TIPRL: variants seen among roughly 807,000 people sequenced by gnomAD.
The protein encoded by TIPRL is TIP41-like protein.
TIPRL carries 10 observed loss-of-function variants against 32.3 expected under a neutral mutation model. The observed-to-expected ratio is 0.31, with a 90% CI of 0.19 to 0.52. TIPRL has a LOEUF of 0.52. Among genes scored for constraint, TIPRL ranks in the 20% least tolerant of loss-of-function variants. The pLI is 0.96. For missense variants in TIPRL, 250 were observed against 328.1 expected, an observed-to-expected ratio of 0.76 and a Z score of 1.84; for synonymous variants, 100 against 114.0, an observed-to-expected ratio of 0.88 and a Z score of 0.78.
chr1:168,183,596 C>T (rs1699993251), intron 1 of TIPRL, among the ~76,000 whole-genome samples: 1 of 151,872 alleles, frequency 6.6e-6, no homozygotes, highest in Non-Finnish European at 1.5e-5. Flanking sequence ...GCTATCTTTT[C>T]TTCATACCCT....
At position 168,183,992 on chromosome 1, in the gene TIPRL, T is replaced by A. The variant is rs1465418307; in HGVS notation, c.195T>A (p.Ile65=). ...TCCAGCATGGGTCTGGCTTTGGAAT[T>A]GAGTTCAATGCTACAGATGCGTTAA... The part of the protein sequence containing the change: ...LRIQHGSGFG[I]EFNATDALRC... Residue 65 remains isoleucine (I), a synonymous_variant, in exon 2 of 7, where the codon ATT becomes ATA. Coordinates refer to ENST00000367833, the MANE Select transcript of TIPRL (RefSeq NM_152902.5). 2 of 1,614,176 alleles carry A rather than the reference T, an allele frequency of 1.2e-6. No individual in the cohort carries two copies. Among genetic ancestry groups the A allele is most frequent in the South Asian group, 2.2e-5 (2 of 91,088 alleles).
At chr1:168,188,481 A>G (rs549937703) in intron 3 of TIPRL, among the ~76,000 whole-genome samples, 1 of 152,366 alleles carries the variant, frequency 6.6e-6, no homozygotes, top group South Asian at 2.1e-4. Context: ...ATGCTTTAAT[A>G]AAACTTTATG....
At chr1:168,183,768 A>T in intron 1 of TIPRL, 134 bp from the exon 2 acceptor site, 1 of 912,598 alleles carries the variant, frequency 1.1e-6, no homozygotes, top group Non-Finnish European at 1.6e-6. Context: ...AGACCTTGCA[A>T]ATATATCATA....
chr1:168,192,406 A>G, intron 4 of TIPRL: 1 of 1,011,102 alleles, frequency 9.9e-7, no homozygotes, highest in East Asian at 7.2e-5. Context: ...CATAACAAGT[A>G]TGGTTATTCA....
chr1:168,180,482 T>C (rs1341400275), intron 1 of TIPRL, among the ~76,000 whole-genome samples: 2 of 152,170 alleles, frequency 1.3e-5, no homozygotes, highest in African/African-American at 4.8e-5. Flanking sequence ...GGGTTTAAGT[T>C]TGGGAATTAT....
chr1:168,196,014 A>C (rs1379074177), intron 4 of TIPRL, among the ~76,000 whole-genome samples: 1 of 152,214 alleles, frequency 6.6e-6, no homozygotes, highest in Non-Finnish European at 1.5e-5. Flanking sequence ...GAATTTGTAG[A>C]TGTGCCACAG....
Position 168,192,879 on chromosome 1 carries a change from C to T in TIPRL, c.516+1379C>T, listed in dbSNP as rs529633489. Among the ~76,000 whole-genome samples the T allele has an allele frequency of 2.6e-3, 377 of 142,960 alleles. 1 individual carries two copies. The highest frequency in any genetic ancestry group is 9.9e-3 in the African/African-American group (365 of 36,798). 93.8% of individuals were successfully genotyped at this position (142,960 alleles called of 152,430 possible). On this transcript the variant is annotated intron_variant, in intron 4 of 6. Transcript: ENST00000367833. Reference sequence around the variant, plus strand: ...CCAGCCTGGGCAACAAGCGAGACTCCGTCTCAAAACAAACAAACAAACAAA... The same window carrying T: ...CCAGCCTGGGCAACAAGCGAGACTCTGTCTCAAAACAAACAAACAAACAAA...
chr1:168,194,807 G>A lies in TIPRL; in HGVS notation c.517-1740G>A, dbSNP rs1248832489. Among the ~76,000 whole-genome samples the A allele has an allele frequency of 3.3e-5, 5 of 152,164 alleles. No homozygotes were observed. In the East Asian group the frequency reaches 9.6e-4, roughly 29 times the overall value. On this transcript the variant is annotated intron_variant, in intron 4 of 6. Coordinates refer to ENST00000367833, the MANE Select transcript of TIPRL (RefSeq NM_152902.5). ...AAAATGGTTAATGAGCACCTGCTGT[G>A]TGCTAGGTACTTTTCTAAGCAATAG...
rs71981720 is a variant in TIPRL at position 168,201,770 on chromosome 1, CGTGTGTGTGTGTGTGT to C, written c.*1745_*1760del. 1 of 142,970 alleles carries C rather than the reference CGTGTGTGTGTGTGTGT, an allele frequency of 7.0e-6. No individual in the cohort carries two copies. Among genetic ancestry groups the C allele is most frequent in the Non-Finnish European group, 1.5e-5 (1 of 65,048 alleles). The allele number at this position is 142,970 out of a possible 1,614,324, so 8.9% of individuals were successfully genotyped here. Reference sequence around the variant, plus strand: ...ATTAATTGGAGCTTCTGGGCAACATCGTGTGTGTGTGTGTGTGTGTGTGTGTGTGTGTGTGTATACA... The same window carrying C: ...ATTAATTGGAGCTTCTGGGCAACATCGTGTGTGTGTGTGTGTGTGTATACA... On this transcript the variant is annotated 3_prime_UTR_variant, in exon 7 of 7. Transcript: ENST00000367833.
intron 5 of TIPRL, 110 bp from the exon 6 acceptor site, chr1:168,198,809 C>T (rs1700182778): frequency 2.3e-6 from 2 of 857,490 alleles, no homozygotes; most frequent in Non-Finnish European, 3.7e-6. Context: ...CTTTAGACTG[C>T]ATGCTGTTTT....
intron 3 of TIPRL, among the ~76,000 whole-genome samples, chr1:168,190,060 A>AGT (rs1287716641): frequency 6.6e-6 from 1 of 152,242 alleles, no homozygotes; most frequent in African/African-American, 2.4e-5. Flanking sequence ...GAAATTTACA[A>AGT]GTGTGTGTAT....
intron 2 of TIPRL, 121 bp from the exon 3 acceptor site, chr1:168,184,658 T>C (rs1700005564): frequency 2.1e-5 from 15 of 711,734 alleles, no homozygotes; most frequent in Admixed American, 5.8e-5. Flanking sequence ...TGGTGAATTA[T>C]AACAAGTGTA....
Position 168,192,065 on chromosome 1 carries a change from A to G in TIPRL, c.516+565A>G, listed in dbSNP as rs955755437. On this transcript the variant is annotated intron_variant, in intron 4 of 6. Coordinates refer to ENST00000367833, the MANE Select transcript of TIPRL (RefSeq NM_152902.5). The stretch of plus-strand genomic sequence containing the variant: ...TTTATTTGTTTATTATTTAACTCTA[A>G]TGAAGACTGTGGCTTAATTTTCACA... The G allele has an allele frequency of 1.8e-5, 18 of 1,015,852 alleles. No individual in the cohort carries two copies. The African/African-American group carries it at 3.1e-4, about 17-fold the overall frequency. The allele number at this position is 1,015,852 out of a possible 1,614,324, so 62.9% of individuals were successfully genotyped here.
At chr1:168,195,877 A>G (rs920948791) in intron 4 of TIPRL, among the ~76,000 whole-genome samples, 2 of 152,050 alleles carry the variant, frequency 1.3e-5, no homozygotes, top group Admixed American at 6.6e-5. Context: ...CCAGCTAAAC[A>G]TATTCATTTT....
At chr1:168,188,867 G>A (rs1002153121) in intron 3 of TIPRL, among the ~76,000 whole-genome samples, 2 of 151,988 alleles carry the variant, frequency 1.3e-5, no homozygotes, top group African/African-American at 2.4e-5. Context: ...TGTAATCCTC[G>A]CTACTTGGGA....
In TIPRL at chr1:168,200,016, A is replaced by G. The variant is rs374754214; in HGVS notation, c.789A>G (p.Ala263=). ...CAGAAAGAATTGATCCTAACCCAGC[A>G]GACTCACAAAAAAGTACACAAGTGG... is the stretch of plus-strand genomic sequence containing the variant. ...IFPERIDPNP[A]DSQKSTQVE Residue 263 remains alanine, a synonymous_variant, in exon 7 of 7, where the codon GCA becomes GCG. Transcript: ENST00000367833. 1 of 1,613,594 alleles carries G rather than the reference A, an allele frequency of 6.2e-7. No homozygotes were observed. The highest frequency in any genetic ancestry group is 1.7e-4 in the Middle Eastern group (1 of 6,056).
chr1:168,199,762 C>A, intron 6 of TIPRL, 141 bp from the exon 7 acceptor site: 3 of 673,474 alleles, frequency 4.5e-6, no homozygotes, highest in South Asian at 2.3e-5. Flanking sequence ...TCAAGAAATA[C>A]CTATTATTTT....
At chr1:168,184,132 A>G (rs2038034) in intron 2 of TIPRL, 51 bp downstream of exon 2, 343,448 of 1,511,892 alleles carry the variant, frequency 0.23, 44,190 homozygotes, top group Admixed American at 0.52. Context: ...AGGTTAAACA[A>G]AAGAGAAAAG....
chr1:168,189,594 C>T (rs752722042), intron 3 of TIPRL, among the ~76,000 whole-genome samples: 9 of 152,180 alleles, frequency 5.9e-5, no homozygotes, highest in Non-Finnish European at 1.2e-4. Flanking sequence ...GATCCGGCCG[C>T]CTTGCCTCCC....
Sources: gnomAD v4.1 joint callset for allele counts (sites outside exome capture counted in the v4.1 genomes callset) on GRCh38, gnomAD v4.1.1 for gene constraint, MANE v1.5 for transcripts, NCBI Gene and HGNC (gene_info 2026-07-23, HGNC 2026-07-21) for gene names.